PCDH15: variants seen among roughly 807,000 people sequenced by gnomAD.
PCDH15 encodes protocadherin-15.
In PCDH15, 129 loss-of-function variants were observed where a neutral mutation model predicts 178.5. That is an observed-to-expected ratio of 0.72 (90% confidence interval 0.63 to 0.84). PCDH15 has a LOEUF of 0.84. Among genes scored for constraint, PCDH15 ranks in the 40% least tolerant of loss-of-function variants. The pLI, the probability that PCDH15 is intolerant of heterozygous loss-of-function variation, is 0.00. For synonymous variants in PCDH15, 800 were observed against 732.0 expected (o/e 1.09, Z -1.50); for missense variants, 2,230 against 2,099.9 (o/e 1.06, Z -1.21).
At chr10:54,481,489 A>G (rs1427177646) in intron 3 of PCDH15, among the ~76,000 whole-genome samples, 2 of 151,822 alleles carry the variant, frequency 1.3e-5, no homozygotes, top group Admixed American at 6.6e-5. Flanking sequence ...AAATGCAAAT[A>G]AACATTCACA....
chr10:54,367,159 T>C (rs1482661012), intron 5 of PCDH15, among the ~76,000 whole-genome samples: 1 of 152,010 alleles, frequency 6.6e-6, no homozygotes, highest in East Asian at 1.9e-4. Flanking sequence ...GAAAGGGAGA[T>C]ATTTATGAGA....
At chr10:55,498,349 A>C (rs1056095445) in intron 2 of PCDH15, among the ~76,000 whole-genome samples, 1 of 151,896 alleles carries the variant, frequency 6.6e-6, no homozygotes, top group Non-Finnish European at 1.5e-5. Flanking sequence ...TGTGCTTGTA[A>C]AATGACTTGA....
At chr10:53,988,409 T>G (rs2091252693) in intron 21 of PCDH15, among the ~76,000 whole-genome samples, 1 of 152,162 alleles carries the variant, frequency 6.6e-6, no homozygotes, top group Admixed American at 6.5e-5. Flanking sequence ...TGCACTCAGA[T>G]GTTTTGAAAT....
At chr10:55,622,537 G>A (rs565127805) in intron 2 of PCDH15, among the ~76,000 whole-genome samples, 5 of 152,154 alleles carry the variant, frequency 3.3e-5, no homozygotes, top group Middle Eastern at 6.8e-3. Flanking sequence ...TTACTCAGCT[G>A]TAGGATGCAG....
At chr10:55,617,818 T>C (rs1843509871) in intron 2 of PCDH15, among the ~76,000 whole-genome samples, 1 of 152,150 alleles carries the variant, frequency 6.6e-6, no homozygotes, top group Non-Finnish European at 1.5e-5. Flanking sequence ...AATCACTCTT[T>C]CACAGTCATC....
At chr10:55,547,031 C>A (rs902240945) in intron 2 of PCDH15, among the ~76,000 whole-genome samples, 3 of 152,064 alleles carry the variant, frequency 2.0e-5, no homozygotes, top group Admixed American at 6.6e-5. Context: ...CTCAGAAAGT[C>A]TGATAAGGAG....
chr10:53,914,977 T>A (rs964657938), intron 25 of PCDH15, among the ~76,000 whole-genome samples: 1 of 152,178 alleles, frequency 6.6e-6, no homozygotes, highest in Non-Finnish European at 1.5e-5. Flanking sequence ...CTGGATAATA[T>A]CTGGTTCTAT....
intron 2 of PCDH15, among the ~76,000 whole-genome samples, chr10:54,629,542 A>G (rs1284848127): frequency 1.3e-5 from 2 of 152,148 alleles, no homozygotes; most frequent in Admixed American, 1.3e-4. Context: ...ATAAAATTCG[A>G]CATCTCTTTA....
At chr10:53,827,206 G>GT (rs2076736150) in intron 32 of PCDH15, among the ~76,000 whole-genome samples, 187 bp downstream of exon 32, 1 of 151,958 alleles carries the variant, frequency 6.6e-6, no homozygotes, top group Admixed American at 6.6e-5. Context: ...TTCTGGTTTG[G>GT]TTTTGGCTAT....
chr10:53,977,449 G>T (rs769120136), intron 21 of PCDH15, among the ~76,000 whole-genome samples: 1 of 152,166 alleles, frequency 6.6e-6, no homozygotes, highest in African/African-American at 2.4e-5. Context: ...CTTGATCCTA[G>T]ACCAAACCCC....
chr10:54,408,052 CAA>C (rs71461239), intron 3 of PCDH15, among the ~76,000 whole-genome samples: 16 of 83,728 alleles, frequency 1.9e-4, no homozygotes, highest in Admixed American at 2.9e-4. Context: ...GAGACTCTGT[CAA>C]AAAAAAAAAA....
intron 2 of PCDH15, among the ~76,000 whole-genome samples, chr10:54,988,367 A>G (rs1839421404): frequency 6.6e-6 from 1 of 152,092 alleles, no homozygotes; most frequent in Admixed American, 6.5e-5. Context: ...GTGACTTTGG[A>G]ACTGGGTAAC....
intron 2 of PCDH15, among the ~76,000 whole-genome samples, chr10:55,484,937 A>C (rs2132122131): frequency 6.6e-6 from 1 of 151,886 alleles, no homozygotes; most frequent in African/African-American, 2.4e-5. Flanking sequence ...CTACTAGAAA[A>C]AAATAACATA....
At chr10:53,955,326 A>C (rs930466817) in intron 23 of PCDH15, among the ~76,000 whole-genome samples, 2 of 152,200 alleles carry the variant, frequency 1.3e-5, no homozygotes, top group Non-Finnish European at 2.9e-5. Context: ...GTTTCCTATT[A>C]CAGTGACCTA....
intron 25 of PCDH15, among the ~76,000 whole-genome samples, chr10:53,920,023 A>G (rs563189988): frequency 5.9e-5 from 9 of 152,278 alleles, no homozygotes; most frequent in African/African-American, 2.2e-4. Context: ...CAGTGGAAGT[A>G]TTTCTATATG....
At chr10:54,852,837 A>G (rs1260380990) in intron 3 of PCDH15, among the ~76,000 whole-genome samples, 2 of 145,122 alleles carry the variant, frequency 1.4e-5, no homozygotes, top group Non-Finnish European at 3.0e-5. Flanking sequence ...TGGGCAACAG[A>G]CTGAGACTCT....
intron 2 of PCDH15, among the ~76,000 whole-genome samples, chr10:54,983,756 GCTATTTCTTTTGGTGGGATCAAATTC>G (rs1055989083): frequency 7.2e-5 from 11 of 152,112 alleles, no homozygotes; most frequent in African/African-American, 2.7e-4. Flanking sequence ...ATAGAAAGAA[GCTATTTCTTTTGGTGGGATCAAATTC>G]CTTGGGGCTC....
chr10:53,912,660 G>C (rs1224152674), intron 25 of PCDH15, among the ~76,000 whole-genome samples: 2 of 151,336 alleles, frequency 1.3e-5, no homozygotes, highest in Admixed American at 1.3e-4. Flanking sequence ...AACAGACAAA[G>C]ACCCAAATCA....
intron 28 of PCDH15, among the ~76,000 whole-genome samples, chr10:53,851,964 A>T (rs947419865): frequency 6.6e-6 from 1 of 151,690 alleles, no homozygotes; most frequent in African/African-American, 2.4e-5. Context: ...TTTTATTCAG[A>T]AGGTAAGAGA....
Sources: allele counts gnomAD v4.1 joint callset (sites outside exome capture counted in the v4.1 genomes callset), GRCh38; gene constraint gnomAD v4.1.1; transcripts MANE v1.5; gene names NCBI Gene and HGNC (gene_info 2026-07-23, HGNC 2026-07-21).